Variants in UNC80 observed in about 807,000 individuals in gnomAD.
The protein encoded by UNC80 is protein unc-80 homolog.
In UNC80, 164 loss-of-function variants were observed where a neutral mutation model predicts 384.6. The observed-to-expected ratio is 0.43, with a 90% CI of 0.38 to 0.49. UNC80 has a LOEUF of 0.49. Ranked by LOEUF, UNC80 falls within the 20% of genes least tolerant of loss-of-function variation. The pLI, the probability that UNC80 is intolerant of heterozygous loss-of-function variation, is 0.00. For missense variants in UNC80, 3,330 were observed against 4,143.0 expected (o/e 0.80, Z 5.39); for synonymous variants, 1,486 against 1,527.8 (o/e 0.97, Z 0.64).
chr2:209,955,235 C>G (rs2092355267), intron 48 of UNC80, among the ~76,000 whole-genome samples: 1 of 152,080 alleles, frequency 6.6e-6, no homozygotes, highest in Admixed American at 6.5e-5. Flanking sequence ...GGCACCAACT[C>G]CCCCAGCCCC....
At chr2:209,927,656 G>C (rs1048347612) in intron 36 of UNC80, among the ~76,000 whole-genome samples, 3 of 152,116 alleles carry the variant, frequency 2.0e-5, no homozygotes, top group African/African-American at 7.2e-5. Flanking sequence ...TGAAAAAGCA[G>C]GGGAAAGAGC....
intron 28 of UNC80, 99 bp downstream of exon 28, chr2:209,896,512 C>T (rs1207769402): frequency 1.1e-5 from 11 of 975,136 alleles, no homozygotes; most frequent in Non-Finnish European, 1.4e-5. Flanking sequence ...ATCATCAATC[C>T]GATCTAGCCT....
rs145699642 is a variant in UNC80 at position 209,794,570 on chromosome 2, A to C, written c.938+711A>C. On this transcript the variant is annotated intron_variant, in intron 7 of 64. Transcript: ENST00000673920. The stretch of plus-strand genomic sequence containing the variant: ...TAAAATTAACCTATTTTAAGTTTAC[A>C]GTTTTGTATGGTTTGGCTGTGCCCC... Among the ~76,000 whole-genome samples the C allele has an allele frequency of 7.3e-3, 1,109 of 152,288 alleles. 18 individuals are homozygous for C. Among genetic ancestry groups the C allele is most frequent in the African/African-American group, 0.025 (1,051 of 41,558 alleles).
At chr2:209,869,652 CTA>C (rs1295818114) in intron 22 of UNC80, among the ~76,000 whole-genome samples, 2 of 152,112 alleles carry the variant, frequency 1.3e-5, no homozygotes, top group Non-Finnish European at 2.9e-5. Flanking sequence ...TTGAGTGACT[CTA>C]TGTCATCATC....
chr2:209,978,974 C>T (rs1052987040), intron 59 of UNC80, among the ~76,000 whole-genome samples: 1 of 152,202 alleles, frequency 6.6e-6, no homozygotes, highest in African/African-American at 2.4e-5. Context: ...TCTGGCTGGG[C>T]ACGGTGGCTC....
intron 35 of UNC80, among the ~76,000 whole-genome samples, 184 bp downstream of exon 35, chr2:209,922,567 G>T (rs1173128628): frequency 6.6e-6 from 1 of 152,104 alleles, no homozygotes; most frequent in African/African-American, 2.4e-5. Context: ...CTCAGCAATT[G>T]TTATTTTTAA....
At chr2:209,970,777 G>T in intron 53 of UNC80, 55 bp from the exon 54 acceptor site, 1 of 1,523,262 alleles carries the variant, frequency 6.6e-7, no homozygotes. Flanking sequence ...CCTTTACTAC[G>T]GTTGCATGAA....
chr2:209,774,602 A>G (rs1438471624), intron 2 of UNC80, among the ~76,000 whole-genome samples: 2 of 152,202 alleles, frequency 1.3e-5, no homozygotes, highest in Admixed American at 6.5e-5. Context: ...TATGAAATGC[A>G]TAACTCATCC....
chr2:209,906,446 C>A (rs2088222275), intron 29 of UNC80, among the ~76,000 whole-genome samples: 1 of 151,938 alleles, frequency 6.6e-6, no homozygotes, highest in East Asian at 1.9e-4. Context: ...TTGACAAGTG[C>A]CTTTTGATTC....
In UNC80 at chr2:209,994,258, C is replaced by T. The variant is rs937166714; in HGVS notation, c.9702C>T (p.Pro3234=). 2.6e-6 allele frequency: 4 copies of T among 1,549,290 alleles called. No individual in the cohort carries two copies. The Admixed American group carries it at 7.9e-5, about 31-fold the overall frequency. ...IVVADLHSVS[P]KQSENFPTEE... is the part of the protein sequence containing the mutation. ...TTGCGGATCTCCACAGCGTGTCTCC[C>T]AAGCAGGTGAGGGCACTAGAGAAAC... The change falls in exon 64 of 65, where the codon CCC becomes CCT. Residue 3234 remains proline, a synonymous_variant. Coordinates refer to ENST00000673920, the MANE Select transcript of UNC80 (RefSeq NM_001371986.1).
intron 2 of UNC80, 56 bp downstream of exon 2, chr2:209,773,198 C>T (rs757201659): frequency 5.5e-6 from 8 of 1,461,758 alleles, no homozygotes; most frequent in Non-Finnish European, 7.6e-6. Context: ...GTGGTTTGAA[C>T]CCAAAGACAG....
chr2:209,834,148 T>C lies in UNC80; in HGVS notation c.2922T>C (p.Ser974=). The C allele has an allele frequency of 6.4e-7, 1 of 1,551,558 alleles. No individual in the cohort carries two copies. The highest frequency in any genetic ancestry group is 8.7e-7 in the Non-Finnish European group (1 of 1,146,894). The change falls in exon 17 of 65, where the codon TCT becomes TCC. Residue 974 remains serine (S), a synonymous_variant. Transcript: ENST00000673920. The stretch of plus-strand genomic sequence containing the variant: ...AGGTGGAGGAGAATGAACAGGAATC[T>C]AAGCCTGCAGGCAGTAAAAGGTTGG... The part of the protein sequence containing the change: ...GKKVEENEQE[S]KPAGSKRSEA...
chr2:209,834,057 A>G lies in UNC80; in HGVS notation c.2831A>G (p.Asn944Ser). 3 of 1,551,744 alleles carry G rather than the reference A, an allele frequency of 1.9e-6. 1 individual carries two copies. Among genetic ancestry groups the G allele is most frequent in the Non-Finnish European group, 2.6e-6 (3 of 1,146,968 alleles). ...LVQFIKEAHG[N>S]VFRRVALSAL... ...CAGTTTATCAAAGAGGCTCATGGGA[A>G]TGTCTTCAGGAGAGTGGCCCTCAGC... Residue 944 changes from asparagine (N) to serine (S), a missense_variant, in exon 17 of 65, where the codon AAT becomes AGT. By Grantham distance (46) the Asn-to-Ser change is conservative. This residue lies in a region of UNC80 where 2 missense variants were observed against 16.9 expected (regional missense o/e 0.12). Coordinates refer to ENST00000673920, the MANE Select transcript of UNC80 (RefSeq NM_001371986.1).
chr2:209,960,337 A>G (rs1314881334), intron 51 of UNC80, among the ~76,000 whole-genome samples: 3 of 152,146 alleles, frequency 2.0e-5, no homozygotes, highest in Admixed American at 2.0e-4. Context: ...TTCCCTGTGC[A>G]CTCGTATTTC....
rs1487357399 is a variant in UNC80 at position 209,904,961 on chromosome 2, A to G, written c.4778A>G (p.Lys1593Arg). The stretch of plus-strand genomic sequence containing the variant: ...GTGGCTCTCCGGGGCAAGAAACAGA[A>G]AGAAGTAAGTAAATGACCATTGAAT... The part of the protein sequence containing the change: ...SSVALRGKKQ[K>R]ECSDKSCLRT... The change falls in exon 29 of 65, where the codon AAA becomes AGA. Residue 1593 changes from lysine to arginine, a missense_variant. Coordinates refer to ENST00000673920, the MANE Select transcript of UNC80 (RefSeq NM_001371986.1). The G allele has an allele frequency of 6.4e-7, 1 of 1,551,664 alleles. No individual in the cohort carries two copies. Among genetic ancestry groups the G allele is most frequent in the Admixed American group, 2.0e-5 (1 of 51,010 alleles).
At chr2:209,799,122 G>A (rs1431929328) in intron 7 of UNC80, among the ~76,000 whole-genome samples, 1 of 150,060 alleles carries the variant, frequency 6.7e-6, no homozygotes, top group East Asian at 1.9e-4. Context: ...AATGTCAATG[G>A]TAGTTTGATG....
At chr2:209,965,171 C>G (rs945410037) in intron 51 of UNC80, among the ~76,000 whole-genome samples, 1 of 151,980 alleles carries the variant, frequency 6.6e-6, no homozygotes, top group Non-Finnish European at 1.5e-5. Flanking sequence ...TACAGTGGCT[C>G]ACACCTGTAA....
intron 18 of UNC80, among the ~76,000 whole-genome samples, chr2:209,836,733 G>C (rs1336346241): frequency 6.6e-6 from 1 of 152,112 alleles, no homozygotes; most frequent in Non-Finnish European, 1.5e-5. Flanking sequence ...GATGACACTG[G>C]CTCCTCCTCT....
intron 7 of UNC80, among the ~76,000 whole-genome samples, chr2:209,803,886 C>T (rs2078714488): frequency 6.6e-6 from 1 of 152,120 alleles, no homozygotes; most frequent in Non-Finnish European, 1.5e-5. Context: ...TGTGCACCAT[C>T]AAGTCCCACT....
Sources: gnomAD v4.1 joint callset for allele counts (sites outside exome capture counted in the v4.1 genomes callset) on GRCh38, gnomAD v4.1.1 for gene constraint, gnomAD v4.1.1 regional missense constraint, MANE v1.5 for transcripts, NCBI Gene and HGNC (gene_info 2026-07-23, HGNC 2026-07-21) for gene names.